The following MACROD2 variants were observed in gnomAD, a reference collection of about 807,000 sequenced individuals.
The protein encoded by MACROD2 is mono-ADP ribosylhydrolase 2.
A neutral mutation model predicts 70.4 loss-of-function variants in MACROD2; 36 were observed. That is an observed-to-expected ratio of 0.51 (90% CI 0.39 to 0.68). The LOEUF (loss-of-function observed/expected upper bound fraction) is 0.68, where lower values mean the gene tolerates loss of function less well. MACROD2 is among the 30% of genes least tolerant of loss of function. The pLI, the probability that MACROD2 is intolerant of heterozygous loss-of-function variation, is 0.00. For missense variants in MACROD2, 496 were observed against 538.4 expected (o/e 0.92, Z 0.78); for synonymous variants, 172 against 178.8 (o/e 0.96, Z 0.30).
At chr20:15,429,305 A>G (rs981929239) in intron 6 of MACROD2, among the ~76,000 whole-genome samples, 2 of 152,218 alleles carry the variant, frequency 1.3e-5, no homozygotes, top group Admixed American at 6.5e-5. Context: ...GCACCTCAAG[A>G]ACCGTCAGAA....
At position 15,924,521 on chromosome 20, in the gene MACROD2, G is replaced by A. The variant is rs1422230607; in HGVS notation, c.776-8755G>A. On this transcript the variant is annotated intron_variant, in intron 10 of 17. Transcript: ENST00000684519. ...AACAACTTTTTTTTATTTTTCTCTG[G>A]ATGATCATCTCTAGCCTCAGTTTCA... Among the ~76,000 whole-genome samples the A allele has an allele frequency of 3.3e-5, 5 of 152,064 alleles. No individual in the cohort carries two copies. The South Asian group carries it at 1.0e-3, about 32-fold the overall frequency.
chr20:14,319,618 T>A (rs887347034), intron 3 of MACROD2, among the ~76,000 whole-genome samples: 1 of 152,180 alleles, frequency 6.6e-6, no homozygotes, highest in Admixed American at 6.6e-5. Flanking sequence ...AGACGCTGCT[T>A]TCATAATCCC....
chr20:15,140,225 C>A (rs565598131), intron 5 of MACROD2, among the ~76,000 whole-genome samples: 1 of 152,234 alleles, frequency 6.6e-6, no homozygotes, highest in Non-Finnish European at 1.5e-5. Context: ...TTTTCCCTCC[C>A]AAGAGTTTCC....
chr20:14,134,813 A>AAC (rs1601262137), intron 3 of MACROD2, among the ~76,000 whole-genome samples: 2 of 151,418 alleles, frequency 1.3e-5, no homozygotes, highest in African/African-American at 4.8e-5. Context: ...AAAAAAAAAA[A>AAC]AAAAAAAAAC....
At chr20:14,929,660 C>T (rs1198149181) in intron 5 of MACROD2, 2 of 152,136 alleles carry the variant, frequency 1.3e-5, no homozygotes, top group African/African-American at 4.8e-5. Context: ...AAAATTCCAA[C>T]CTTTTAGTCA....
At position 15,288,867 on chromosome 20, in the gene MACROD2, G is replaced by GTCTGTCTATCTATCTA. The variant is rs71340213; in HGVS notation, c.540+58809_540+58810insGTCTATCTATCTATCT. ...TGTCTCTCTATATGTCTGTCTGTCT[G>GTCTGTCTATCTATCTA]TCTATCTATCTATCTATCTATCTAT... On this transcript the variant is annotated intron_variant, in intron 6 of 17. Coordinates refer to ENST00000684519, the MANE Select transcript of MACROD2 (RefSeq NM_001351661.2). 1.8e-3 allele frequency among the ~76,000 whole-genome samples: 270 copies of GTCTGTCTATCTATCTA among 146,960 alleles called. 1 individual carries two copies. Among genetic ancestry groups the GTCTGTCTATCTATCTA allele is most frequent in the Middle Eastern group, 6.9e-3 (2 of 288 alleles).
intron 8 of MACROD2, among the ~76,000 whole-genome samples, chr20:15,669,090 A>C (rs533973362): frequency 1.4e-4 from 21 of 152,332 alleles, no homozygotes; most frequent in African/African-American, 4.8e-4. Context: ...CCTTTTAACA[A>C]GTGAAAAAAG....
At chr20:15,255,896 C>T (rs117037251) in intron 6 of MACROD2, among the ~76,000 whole-genome samples, 2,908 of 152,160 alleles carry the variant, frequency 0.019, 45 homozygotes, top group Non-Finnish European at 0.031. Context: ...AACTGTATGG[C>T]AACAGAGATC....
At chr20:15,008,040 C>G (rs1404085071) in intron 5 of MACROD2, among the ~76,000 whole-genome samples, 1 of 152,174 alleles carries the variant, frequency 6.6e-6, no homozygotes, top group Non-Finnish European at 1.5e-5. Flanking sequence ...ATCAAACTCC[C>G]TATCAAATTC....
chr20:15,366,646 T>A (rs1276606604), intron 6 of MACROD2, among the ~76,000 whole-genome samples: 1 of 151,916 alleles, frequency 6.6e-6, no homozygotes, highest in Non-Finnish European at 1.5e-5. Flanking sequence ...TAACTCTTAG[T>A]CTCAATCAAT....
intron 5 of MACROD2, among the ~76,000 whole-genome samples, chr20:15,058,270 T>C (rs985985196): frequency 2.0e-5 from 3 of 152,176 alleles, no homozygotes; most frequent in Non-Finnish European, 2.9e-5. Context: ...CTTCATGCTC[T>C]TACAGTTTCT....
intron 5 of MACROD2, among the ~76,000 whole-genome samples, chr20:15,198,592 C>T (rs2076627403): frequency 6.6e-6 from 1 of 152,096 alleles, no homozygotes. Context: ...TAGTATTATC[C>T]TGTGTAAACT....
chr20:15,206,747 T>TTTTTTTTTTTTTTTTTTTTTGTG (rs2076710188), intron 5 of MACROD2, among the ~76,000 whole-genome samples: 1 of 114,920 alleles, frequency 8.7e-6, no homozygotes, highest in African/African-American at 3.3e-5. Flanking sequence ...TTTTTTTTTT[T>TTTTTTTTTTTTTTTTTTTTTGTG]GAGACGGAGT....
At chr20:14,653,720 C>A (rs1381704741) in intron 4 of MACROD2, among the ~76,000 whole-genome samples, 3 of 152,134 alleles carry the variant, frequency 2.0e-5, no homozygotes, top group Admixed American at 2.0e-4. Flanking sequence ...CATTTGTACA[C>A]CTCAGGTGTT....
intron 6 of MACROD2, among the ~76,000 whole-genome samples, chr20:15,280,373 ATATCT>A (rs2077432937): frequency 6.6e-6 from 1 of 152,186 alleles, no homozygotes; most frequent in African/African-American, 2.4e-5. Flanking sequence ...CACAGACTAA[ATATCT>A]TATATTCATT....
At chr20:14,737,517 A>G (rs913886147) in intron 5 of MACROD2, among the ~76,000 whole-genome samples, 2 of 152,156 alleles carry the variant, frequency 1.3e-5, no homozygotes, top group African/African-American at 2.4e-5. Flanking sequence ...TAGATCCTTG[A>G]GGAATCGCCA....
chr20:14,915,766 C>T (rs543765005), intron 5 of MACROD2, among the ~76,000 whole-genome samples: 42 of 152,224 alleles, frequency 2.8e-4, no homozygotes, highest in African/African-American at 8.4e-4. Flanking sequence ...GTCCACAGCA[C>T]GGTTGACAAA....
At chr20:14,607,906 A>G (rs995998880) in intron 4 of MACROD2, among the ~76,000 whole-genome samples, 2 of 152,104 alleles carry the variant, frequency 1.3e-5, no homozygotes, top group Non-Finnish European at 2.9e-5. Flanking sequence ...GAGGAGATTC[A>G]TTTTTCCATA....
At chr20:15,910,676 A>T (rs1233285076) in intron 10 of MACROD2, among the ~76,000 whole-genome samples, 18 of 152,196 alleles carry the variant, frequency 1.2e-4, no homozygotes, top group Admixed American at 1.2e-3. Context: ...CACACTGTAT[A>T]TGAAATTGAA....
Sources: allele counts gnomAD v4.1 joint callset (sites outside exome capture counted in the v4.1 genomes callset), GRCh38; gene constraint gnomAD v4.1.1; transcripts MANE v1.5; gene names NCBI Gene and HGNC (gene_info 2026-07-23, HGNC 2026-07-21).